GARIN2: variants seen among roughly 807,000 people sequenced by gnomAD.
GARIN2 encodes the protein Golgi-associated RAB2 interactor protein 2.
At chr14:67,215,202 T>C in the GARIN2 span, among the ~76,000 whole-genome samples, 1 of 152,170 alleles carries the variant, frequency 6.6e-6, no homozygotes. Context: ...ACAGTCAAAA[T>C]AAGTATTCTG....
At chr14:67,224,812 A>T in the GARIN2 span, 1 of 262,334 alleles carries the variant, frequency 3.8e-6, no homozygotes, top group Admixed American at 5.4e-5. Flanking sequence ...AAATATTACA[A>T]ACCAAATTCC....
the GARIN2 span, chr14:67,197,995 T>G: frequency 1.4e-6 from 1 of 694,998 alleles, no homozygotes; most frequent in Non-Finnish European, 2.3e-6. Flanking sequence ...TTTAGATGTA[T>G]GTATTAATAC....
At chr14:67,219,899 C>A in the GARIN2 span, among the ~76,000 whole-genome samples, 1 of 152,058 alleles carries the variant, frequency 6.6e-6, no homozygotes, top group South Asian at 2.1e-4. Flanking sequence ...GCATGGATTT[C>A]TTTTTATTGC....
the GARIN2 span, among the ~76,000 whole-genome samples, chr14:67,193,944 CAAAAAAAAACA>C: frequency 1.2e-4 from 4 of 33,880 alleles, no homozygotes; most frequent in Admixed American, 6.9e-4. Context: ...GACCCTGTCT[CAAAAAAAAACA>C]AAAAAAAAAC....
chr14:67,215,622 T>C, the GARIN2 span, among the ~76,000 whole-genome samples: 3 of 152,130 alleles, frequency 2.0e-5, no homozygotes, highest in South Asian at 2.1e-4. Context: ...TGCAGAAGGA[T>C]AGAGGCAGGT....
the GARIN2 span, among the ~76,000 whole-genome samples, chr14:67,218,210 G>A: frequency 2.6e-5 from 4 of 152,156 alleles, no homozygotes; most frequent in Non-Finnish European, 5.9e-5. Context: ...GGGGCCATGG[G>A]GCTGTTACTG....
At chr14:67,201,045 C>T in the GARIN2 span, among the ~76,000 whole-genome samples, 1 of 152,138 alleles carries the variant, frequency 6.6e-6, no homozygotes, top group African/African-American at 2.4e-5. Flanking sequence ...GCTATAATCC[C>T]AGTACTTTGA....
the GARIN2 span, among the ~76,000 whole-genome samples, chr14:67,212,618 A>ATATATATGTATAATATATG: frequency 6.9e-6 from 1 of 145,684 alleles, no homozygotes; most frequent in Non-Finnish European, 1.5e-5. Context: ...TATATATGTA[A>ATATATATGTATAATATATG]TATATATTAT....
the GARIN2 span, chr14:67,198,073 A>G: frequency 6.7e-7 from 1 of 1,489,916 alleles, no homozygotes; most frequent in East Asian, 2.3e-5. Context: ...TAAATAAATG[A>G]AGCAACTTAA....
At chr14:67,193,613 A>T in the GARIN2 span, among the ~76,000 whole-genome samples, 1 of 146,284 alleles carries the variant, frequency 6.8e-6, no homozygotes, top group South Asian at 2.1e-4. Context: ...AGATATATAG[A>T]TAGAAATATA....
the GARIN2 span, among the ~76,000 whole-genome samples, chr14:67,218,279 C>T: frequency 3.8e-4 from 58 of 152,304 alleles, no homozygotes; most frequent in African/African-American, 1.3e-3. Flanking sequence ...AGAGCTGTTT[C>T]TCAGGCCTGG....
chr14:67,210,215 T>C, the GARIN2 span, among the ~76,000 whole-genome samples: 1 of 152,146 alleles, frequency 6.6e-6, no homozygotes, highest in African/African-American at 2.4e-5. Flanking sequence ...ACTGGAAAAA[T>C]GGCTAACCAG....
the GARIN2 span, among the ~76,000 whole-genome samples, chr14:67,193,423 T>A: frequency 2.1e-5 from 3 of 142,116 alleles, no homozygotes; most frequent in Middle Eastern, 5.0e-3. Flanking sequence ...ATATCTATAT[T>A]TATATCTGTA....
chr14:67,203,346 C>G, the GARIN2 span: 1 of 1,410,660 alleles, frequency 7.1e-7, no homozygotes. Flanking sequence ...TGCATTAGCC[C>G]TGTGGATCTG....
At chr14:67,205,130 A>G in the GARIN2 span, 1 of 1,507,472 alleles carries the variant, frequency 6.6e-7, no homozygotes, top group Non-Finnish European at 8.9e-7. Context: ...ATAATCGAGA[A>G]CTAGAGGGGT....
chr14:67,198,239 G>A, the GARIN2 span: 7 of 1,613,848 alleles, frequency 4.3e-6, no homozygotes, highest in East Asian at 2.2e-5. Context: ...CCCATGATCC[G>A]AGAGATCTTC....
At chr14:67,221,069 T>G in the GARIN2 span, among the ~76,000 whole-genome samples, 1 of 152,328 alleles carries the variant, frequency 6.6e-6, no homozygotes, top group East Asian at 1.9e-4. Context: ...TGTTTTAGTA[T>G]GCCAATGAGG....
the GARIN2 span, chr14:67,221,638 T>C: frequency 8.1e-7 from 1 of 1,237,970 alleles, no homozygotes. Context: ...TAATCAGCAA[T>C]GGCCTAGGTT....
At chr14:67,206,642 T>C in the GARIN2 span, among the ~76,000 whole-genome samples, 1 of 152,156 alleles carries the variant, frequency 6.6e-6, no homozygotes, top group Non-Finnish European at 1.5e-5. Context: ...ATGATCTAAG[T>C]AGACGTAAAA....
Sources: allele counts gnomAD v4.1 joint callset (sites outside exome capture counted in the v4.1 genomes callset), GRCh38; gene constraint gnomAD v4.1.1; transcripts MANE v1.5; gene names NCBI Gene and HGNC (gene_info 2026-07-23, HGNC 2026-07-21).